The following CAMKMT variants were observed in gnomAD, a reference collection of about 807,000 sequenced individuals.
CAMKMT encodes the protein CaM KMT.
CAMKMT carries 53 observed loss-of-function variants against 48.0 expected under a neutral mutation model. The ratio of observed to expected loss-of-function variants is 1.10; its 90% CI spans 0.89 to 1.39. CAMKMT has a LOEUF of 1.39. Ranked by LOEUF, CAMKMT falls within the 40% of genes most tolerant of loss-of-function variation. The probability of loss-of-function intolerance (pLI) is 0.00; values close to 1 mark genes in which losing one functional copy is unlikely to be tolerated. For synonymous variants in CAMKMT, 165 were observed against 152.3 expected (o/e 1.08, Z -0.61); for missense variants, 428 against 402.7 (o/e 1.06, Z -0.54).
At chr2:44,714,896 G>A (rs1018079829) in intron 6 of CAMKMT, among the ~76,000 whole-genome samples, 1 of 152,134 alleles carries the variant, frequency 6.6e-6, no homozygotes. Context: ...CTCATCCCAT[G>A]TATGATAAAA....
At chr2:44,715,581 A>C (rs184394734) in intron 7 of CAMKMT, among the ~76,000 whole-genome samples, 100 of 152,322 alleles carry the variant, frequency 6.6e-4, no homozygotes, top group Non-Finnish European at 7.3e-5. Flanking sequence ...CAAGATAAGT[A>C]TATTAAACAC....
At chr2:44,602,839 C>CA (rs1671076541) in intron 3 of CAMKMT, among the ~76,000 whole-genome samples, 1 of 152,058 alleles carries the variant, frequency 6.6e-6, no homozygotes, top group Non-Finnish European at 1.5e-5. Flanking sequence ...CTGGGGATTA[C>CA]AATTCGACAT....
intron 3 of CAMKMT, among the ~76,000 whole-genome samples, chr2:44,627,037 T>C (rs550378530): frequency 5.3e-5 from 8 of 152,198 alleles, no homozygotes; most frequent in Non-Finnish European, 1.2e-4. Context: ...TATGAGAGAA[T>C]GTCCTTCTAT....
chr2:44,488,154 A>G (rs995267853), intron 3 of CAMKMT, among the ~76,000 whole-genome samples: 1 of 152,228 alleles, frequency 6.6e-6, no homozygotes, highest in Admixed American at 6.5e-5. Context: ...CAAGTTATCT[A>G]TCTTTAGGGA....
At chr2:44,567,423 T>C (rs940429701) in intron 3 of CAMKMT, among the ~76,000 whole-genome samples, 1 of 152,210 alleles carries the variant, frequency 6.6e-6, no homozygotes, top group Non-Finnish European at 1.5e-5. Context: ...AGCAACCGGC[T>C]ATCAACTGGG....
chr2:44,691,174 A>G lies in CAMKMT; in HGVS notation c.377-13109A>G, dbSNP rs139192619. Among the ~76,000 whole-genome samples, 13 of 152,260 alleles carry G rather than the reference A, an allele frequency of 8.5e-5. No homozygotes were observed. The East Asian group carries it at 2.5e-3, about 29-fold the overall frequency. ...AGTGTGAGAGGTGCCTTCCAAGTTC[A>G]TGTCTTCACGCTCTAAGCCACTGCG... is the stretch of plus-strand genomic sequence containing the variant. On this transcript the variant is annotated intron_variant, in intron 3 of 10. Coordinates refer to ENST00000378494, the MANE Select transcript of CAMKMT (RefSeq NM_024766.5).
chr2:44,724,823 A>G (rs1465732885), intron 7 of CAMKMT, among the ~76,000 whole-genome samples: 1 of 152,210 alleles, frequency 6.6e-6, no homozygotes, highest in Admixed American at 6.5e-5. Context: ...CAAGAAGCAC[A>G]TATCGGAGGT....
At chr2:44,450,521 C>G (rs552513908) in intron 3 of CAMKMT, among the ~76,000 whole-genome samples, 2 of 152,202 alleles carry the variant, frequency 1.3e-5, no homozygotes, top group Non-Finnish European at 2.9e-5. Flanking sequence ...CTTGCTTAAA[C>G]ATAGTTTATG....
intron 3 of CAMKMT, among the ~76,000 whole-genome samples, chr2:44,513,122 C>T (rs1354089583): frequency 6.6e-6 from 1 of 152,104 alleles, no homozygotes; most frequent in Non-Finnish European, 1.5e-5. Context: ...AGCTATTGAT[C>T]ACAATTTCCA....
chr2:44,730,710 T>G (rs748516711), intron 7 of CAMKMT, among the ~76,000 whole-genome samples: 16 of 152,110 alleles, frequency 1.1e-4, no homozygotes, highest in Non-Finnish European at 2.1e-4. Context: ...AAGTGGCAAA[T>G]AGGAAATCAT....
intron 3 of CAMKMT, among the ~76,000 whole-genome samples, chr2:44,396,483 A>C (rs758077735): frequency 2.0e-5 from 3 of 152,210 alleles, no homozygotes; most frequent in Non-Finnish European, 4.4e-5. Flanking sequence ...GAGAAATAGC[A>C]ATGTTCTGTA....
In CAMKMT at chr2:44,418,192, C is replaced by CAAAA. The variant is rs70965353; in HGVS notation, c.376+27901_376+27904dup. On this transcript the variant is annotated intron_variant, in intron 3 of 10. Transcript: ENST00000378494. ...GGGCGACAAGAGCGGAACTCTGTCT[C>CAAAA]AAAAAAAAAAAAAAAAAGAATTGTA... Among the ~76,000 whole-genome samples, 4 of 118,856 alleles carry CAAAA rather than the reference C, an allele frequency of 3.4e-5. No homozygotes were observed. In the South Asian group the frequency reaches 1.1e-3, roughly 32 times the overall value. 78.0% of individuals were successfully genotyped at this position (118,856 alleles called of 152,430 possible).
At chr2:44,404,471 G>A (rs958237100) in intron 3 of CAMKMT, among the ~76,000 whole-genome samples, 4 of 151,984 alleles carry the variant, frequency 2.6e-5, no homozygotes, top group African/African-American at 9.7e-5. Context: ...TGCTAGGAGA[G>A]CACTAAGTTG....
chr2:44,665,705 C>T (rs1338335518), intron 3 of CAMKMT, among the ~76,000 whole-genome samples: 6 of 152,232 alleles, frequency 3.9e-5, no homozygotes, highest in Admixed American at 6.5e-5. Flanking sequence ...CTCATCTTTC[C>T]GTCTTCTTCA....
intron 3 of CAMKMT, among the ~76,000 whole-genome samples, chr2:44,526,599 A>G (rs1176490152): frequency 2.0e-5 from 3 of 152,144 alleles, no homozygotes; most frequent in African/African-American, 4.8e-5. Flanking sequence ...TGAGGGCAAG[A>G]GGACGGATGC....
In CAMKMT at chr2:44,375,867, CCT is replaced by C. The variant is rs748397700; in HGVS notation, c.311+2980_311+2981del. Among the ~76,000 whole-genome samples the C allele has an allele frequency of 2.0e-3, 304 of 152,100 alleles. 1 individual carries two copies. Among genetic ancestry groups the C allele is most frequent in the Non-Finnish European group, 3.4e-3 (233 of 67,972 alleles). On this transcript the variant is annotated intron_variant, in intron 2 of 10. Coordinates refer to ENST00000378494, the MANE Select transcript of CAMKMT (RefSeq NM_024766.5). ...GTAGCCCATTCTCAGCTTACTGCAACCTTTACCTCCAGGGTTCAAGTGACTCT... is the reference window on the plus strand; with the variant it reads ...GTAGCCCATTCTCAGCTTACTGCAACTTACCTCCAGGGTTCAAGTGACTCT...
chr2:44,633,997 A>G (rs1672983571), intron 3 of CAMKMT, among the ~76,000 whole-genome samples: 1 of 151,700 alleles, frequency 6.6e-6, no homozygotes, highest in Non-Finnish European at 1.5e-5. Context: ...TGCTAGTTTA[A>G]CCCTACTATT....
chr2:44,479,951 C>G (rs1347437680), intron 3 of CAMKMT, among the ~76,000 whole-genome samples: 2 of 152,008 alleles, frequency 1.3e-5, no homozygotes, highest in East Asian at 3.9e-4. Flanking sequence ...TTTTCCTCTC[C>G]CACCCTAGCC....
rs977902491 is a variant in CAMKMT at position 44,505,184 on chromosome 2, A to T, written c.376+114879A>T. Reference sequence around the variant, plus strand: ...ACTGGGGATCAGATTTCAACATGAGATTTGGAGGGGTCAAACAAACCATAT... The same window carrying T: ...ACTGGGGATCAGATTTCAACATGAGTTTTGGAGGGGTCAAACAAACCATAT... On this transcript the variant is annotated intron_variant, in intron 3 of 10. Coordinates refer to ENST00000378494, the MANE Select transcript of CAMKMT (RefSeq NM_024766.5). Among the ~76,000 whole-genome samples, 5 of 152,268 alleles carry T rather than the reference A, an allele frequency of 3.3e-5. No individual in the cohort carries two copies. The East Asian group carries it at 7.7e-4, about 23-fold the overall frequency.
Sources: allele counts gnomAD v4.1 joint callset (sites outside exome capture counted in the v4.1 genomes callset), GRCh38; gene constraint gnomAD v4.1.1; transcripts MANE v1.5; gene names NCBI Gene and HGNC (gene_info 2026-07-23, HGNC 2026-07-21).